The following GPC6 variants were observed in gnomAD, a reference collection of about 807,000 sequenced individuals.
GPC6 encodes glypican 6.
In GPC6, 14 loss-of-function variants were observed where a neutral mutation model predicts 55.2. The ratio of observed to expected loss-of-function variants is 0.25; its 90% CI spans 0.17 to 0.40. The LOEUF (loss-of-function observed/expected upper bound fraction) is 0.40. GPC6 is among the 10% of genes least tolerant of loss of function. GPC6 has a pLI of 1.00. For missense variants in GPC6, 641 were observed against 708.5 expected (o/e 0.90, Z 1.08); for synonymous variants, 278 against 259.6 (o/e 1.07, Z -0.68).
chr13:93,734,657 A>G (rs1418323891), intron 2 of GPC6, among the ~76,000 whole-genome samples: 2 of 152,208 alleles, frequency 1.3e-5, no homozygotes, highest in Non-Finnish European at 2.9e-5. Context: ...TGTGATGGAG[A>G]TATTGTAAAT....
At chr13:94,270,995 T>C (rs924794673) in intron 4 of GPC6, among the ~76,000 whole-genome samples, 1 of 117,630 alleles carries the variant, frequency 8.5e-6, no homozygotes, top group African/African-American at 3.6e-5. Flanking sequence ...TTTTTTTTTT[T>C]TTTTTTTTTT....
chr13:93,403,926 A>T lies in GPC6; in HGVS notation c.161-141337A>T, dbSNP rs373495899. 2.9e-4 allele frequency among the ~76,000 whole-genome samples: 44 copies of T among 152,162 alleles called. No individual in the cohort carries two copies. The South Asian group carries it at 4.4e-3, about 15-fold the overall frequency. ...GTCTTAATATACCTTTCTTATTGGA[A>T]ATTTTGATTTATTATAGAATAAAGA... On this transcript the variant is annotated intron_variant, in intron 1 of 8. Coordinates refer to ENST00000377047, the MANE Select transcript of GPC6 (RefSeq NM_005708.5).
intron 3 of GPC6, among the ~76,000 whole-genome samples, chr13:93,927,464 A>G (rs1877920009): frequency 1.3e-5 from 2 of 152,154 alleles, no homozygotes; most frequent in Admixed American, 1.3e-4. Context: ...TTAATTGATC[A>G]GAAAATACTG....
chr13:94,076,732 C>A (rs921506951), intron 4 of GPC6, among the ~76,000 whole-genome samples: 9 of 151,826 alleles, frequency 5.9e-5, no homozygotes, highest in African/African-American at 2.2e-4. Flanking sequence ...CTTGAAGAGA[C>A]TATCTTTTCT....
At chr13:93,663,801 A>G (rs1216034442) in intron 2 of GPC6, among the ~76,000 whole-genome samples, 1 of 152,190 alleles carries the variant, frequency 6.6e-6, no homozygotes, top group Non-Finnish European at 1.5e-5. Context: ...AATAGCAAGG[A>G]CTGTGCTAGA....
At chr13:94,297,443 G>A (rs1488913865) in intron 5 of GPC6, among the ~76,000 whole-genome samples, 3 of 152,050 alleles carry the variant, frequency 2.0e-5, no homozygotes, top group Non-Finnish European at 2.9e-5. Flanking sequence ...GAGGATTAGG[G>A]CTTTTTTCCT....
chr13:93,756,316 C>G (rs1490667341), intron 2 of GPC6, among the ~76,000 whole-genome samples: 5 of 152,156 alleles, frequency 3.3e-5, no homozygotes, highest in African/African-American at 1.2e-4. Context: ...CACCAAATAA[C>G]ACCCCCACCC....
intron 6 of GPC6, among the ~76,000 whole-genome samples, chr13:94,363,668 A>G (rs1404701526): frequency 6.6e-6 from 1 of 152,190 alleles, no homozygotes; most frequent in Admixed American, 6.5e-5. Flanking sequence ...GAAGGACCTT[A>G]GACCATGCCC....
chr13:93,983,961 T>C (rs1207554856), intron 3 of GPC6, among the ~76,000 whole-genome samples: 3 of 152,078 alleles, frequency 2.0e-5, no homozygotes, highest in African/African-American at 7.2e-5. Flanking sequence ...AGACAACAAT[T>C]AAAGAAAAAA....
In GPC6 at chr13:94,327,214, C is replaced by T. The variant is rs992330988; in HGVS notation, c.1152+21091C>T. Among the ~76,000 whole-genome samples, 10 of 152,274 alleles carry T rather than the reference C, an allele frequency of 6.6e-5. No homozygotes were observed. The East Asian group carries it at 1.7e-3, about 26-fold the overall frequency. ...AGCCTGGCTGTTCACGTAGCTGTAACGGTTTTACTAGTTGTGTGTTTGTAA... is the reference window on the plus strand; with the variant it reads ...AGCCTGGCTGTTCACGTAGCTGTAATGGTTTTACTAGTTGTGTGTTTGTAA... On this transcript the variant is annotated intron_variant, in intron 6 of 8. Coordinates refer to ENST00000377047, the MANE Select transcript of GPC6 (RefSeq NM_005708.5).
rs1451708509 is a variant in GPC6, at chr13:93,783,563, G to GATCTATCTGTCT, written c.320-46583_320-46582insGTCTATCTATCT. ...TTATTGTATCTCACTGTGGTTTTGA[G>GATCTATCTGTCT]ATCTATCTATCTGTCTATCTATCTA... is the stretch of plus-strand genomic sequence containing the variant. On this transcript the variant is annotated intron_variant, in intron 2 of 8. Coordinates refer to ENST00000377047, the MANE Select transcript of GPC6 (RefSeq NM_005708.5). Among the ~76,000 whole-genome samples the GATCTATCTGTCT allele has an allele frequency of 2.1e-3, 298 of 138,742 alleles. 1 individual carries two copies. The highest frequency in any genetic ancestry group is 7.8e-3 in the African/African-American group (280 of 35,998). The allele number at this position is 138,742 out of a possible 152,430, so 91.0% of individuals were successfully genotyped here. A position where few individuals can be genotyped will look rare whatever the true frequency, so the allele number is the denominator to read the frequency against.
intron 4 of GPC6, among the ~76,000 whole-genome samples, chr13:94,037,656 C>G (rs1157713531): frequency 6.6e-6 from 1 of 151,872 alleles, no homozygotes; most frequent in African/African-American, 2.4e-5. Flanking sequence ...TTTCAGTGAC[C>G]TGTTCAAGGT....
chr13:93,585,422 TAG>T (rs1877145735), intron 2 of GPC6, among the ~76,000 whole-genome samples: 2 of 152,196 alleles, frequency 1.3e-5, no homozygotes, highest in African/African-American at 2.4e-5. Flanking sequence ...AGCATTCAGC[TAG>T]AGTCTTTTCA....
At chr13:93,679,323 G>A (rs1025443210) in intron 2 of GPC6, among the ~76,000 whole-genome samples, 4 of 152,092 alleles carry the variant, frequency 2.6e-5, no homozygotes, top group African/African-American at 9.7e-5. Context: ...CAAGAGAAAT[G>A]ACAGCTAGTA....
chr13:93,300,563 G>T (rs1464801236), intron 1 of GPC6, among the ~76,000 whole-genome samples: 1 of 149,828 alleles, frequency 6.7e-6, no homozygotes, highest in Non-Finnish European at 1.5e-5. Context: ...CAGGAGAATG[G>T]TGTGAACCCG....
At chr13:93,996,872 G>A (rs1396333835) in intron 3 of GPC6, among the ~76,000 whole-genome samples, 1 of 152,152 alleles carries the variant, frequency 6.6e-6, no homozygotes, top group Non-Finnish European at 1.5e-5. Context: ...TGGGATTATA[G>A]GACATCTAAA....
At chr13:93,275,712 C>G (rs1037412709) in intron 1 of GPC6, among the ~76,000 whole-genome samples, 1 of 152,110 alleles carries the variant, frequency 6.6e-6, no homozygotes, top group Non-Finnish European at 1.5e-5. Context: ...ATAAGGATGT[C>G]AGTCAGGTTC....
chr13:94,094,619 T>C (rs540351738), intron 4 of GPC6, among the ~76,000 whole-genome samples: 1 of 152,254 alleles, frequency 6.6e-6, no homozygotes, highest in South Asian at 2.1e-4. Flanking sequence ...AAAAGGAAAA[T>C]TACAGTAAGA....
chr13:94,387,758 C>CTCTCTCTCTCTT (rs2139214417), intron 7 of GPC6, among the ~76,000 whole-genome samples: 2 of 125,414 alleles, frequency 1.6e-5, no homozygotes, highest in Non-Finnish European at 3.3e-5. Flanking sequence ...CTCTCTCTCT[C>CTCTCTCTCTCTT]TCTCTCTGCC....
Sources: allele counts gnomAD v4.1 joint callset (sites outside exome capture counted in the v4.1 genomes callset), GRCh38; gene constraint gnomAD v4.1.1; transcripts MANE v1.5; gene names NCBI Gene and HGNC (gene_info 2026-07-23, HGNC 2026-07-21).